The following LYPLAL1 variants were observed in gnomAD, a reference collection of about 807,000 sequenced individuals.
LYPLAL1 encodes the protein lysophospholipase-like protein 1.
Under a neutral mutation model 19.7 loss-of-function variants are expected in LYPLAL1, and 23 were observed. The ratio of observed to expected loss-of-function variants is 1.17; its 90% CI spans 0.84 to 1.65. The LOEUF (loss-of-function observed/expected upper bound fraction) is 1.65, where lower values mean the gene tolerates loss of function less well. Among genes scored for constraint, LYPLAL1 ranks in the 40% most tolerant of loss-of-function variants. The pLI is 0.00. For synonymous variants in LYPLAL1, 119 were observed against 96.3 expected (o/e 1.24, Z -1.38); for missense variants, 355 against 279.4 (o/e 1.27, Z -1.93).
the LYPLAL1 span, among the ~76,000 whole-genome samples, chr1:219,243,841 C>T: frequency 2.6e-5 from 4 of 151,094 alleles, no homozygotes; most frequent in African/African-American, 9.7e-5. Context: ...ATCGCTTGAA[C>T]CTGGGAGGCA....
chr1:219,249,843 A>G, the LYPLAL1 span, among the ~76,000 whole-genome samples: 1 of 151,920 alleles, frequency 6.6e-6, no homozygotes, highest in Non-Finnish European at 1.5e-5. Flanking sequence ...TTACTTTTCT[A>G]AAGTGTCTGC....
At chr1:219,268,957 T>A in the LYPLAL1 span, among the ~76,000 whole-genome samples, 1 of 152,226 alleles carries the variant, frequency 6.6e-6, no homozygotes, top group Non-Finnish European at 1.5e-5. Flanking sequence ...AATTGTTTAT[T>A]CTCAATCTGC....
At chr1:219,406,792 AC>A in the LYPLAL1 span, among the ~76,000 whole-genome samples, 1 of 147,590 alleles carries the variant, frequency 6.8e-6, no homozygotes, top group Non-Finnish European at 1.5e-5. Flanking sequence ...AGAAAAAAAA[AC>A]CCTGCATTTA....
the LYPLAL1 span, among the ~76,000 whole-genome samples, chr1:219,354,041 A>G: frequency 4.6e-5 from 7 of 152,236 alleles, no homozygotes; most frequent in Non-Finnish European, 7.3e-5. Flanking sequence ...ACTTGTAAAC[A>G]TGGAAGTAGA....
the LYPLAL1 span, among the ~76,000 whole-genome samples, chr1:219,255,046 G>A: frequency 2.0e-5 from 3 of 151,576 alleles, no homozygotes; most frequent in East Asian, 5.8e-4. Context: ...TCCTCAGCTC[G>A]GTTTATTCTG....
At chr1:219,263,976 A>C in the LYPLAL1 span, among the ~76,000 whole-genome samples, 1 of 152,176 alleles carries the variant, frequency 6.6e-6, no homozygotes, top group Non-Finnish European at 1.5e-5. Context: ...TCTCAGAGCA[A>C]AAGTTCATAG....
At chr1:219,177,250 C>G (rs1655891248) in intron 1 of LYPLAL1, among the ~76,000 whole-genome samples, 1 of 152,116 alleles carries the variant, frequency 6.6e-6, no homozygotes, top group African/African-American at 2.4e-5. Context: ...GTACTGGCAT[C>G]CAGGTAGTGT....
chr1:219,306,809 GAT>G, the LYPLAL1 span, among the ~76,000 whole-genome samples: 2 of 113,402 alleles, frequency 1.8e-5, no homozygotes, highest in African/African-American at 7.1e-5. Context: ...TGCATAGATA[GAT>G]ATAGATAGAT....
chr1:219,339,132 T>C, the LYPLAL1 span, among the ~76,000 whole-genome samples: 1 of 151,972 alleles, frequency 6.6e-6, no homozygotes, highest in Non-Finnish European at 1.5e-5. Context: ...GTACACTGGG[T>C]CATCCACGCT....
the LYPLAL1 span, among the ~76,000 whole-genome samples, chr1:219,443,856 C>A: frequency 0.83 from 126,621 of 152,206 alleles, 53,273 homozygotes; most frequent in African/African-American, 0.94. Context: ...GCCAGAGCCA[C>A]TTCTGGTAGC....
chr1:219,231,752 G>A, the LYPLAL1 span, among the ~76,000 whole-genome samples: 6 of 152,146 alleles, frequency 3.9e-5, no homozygotes, highest in South Asian at 2.1e-4. Context: ...CCTGTAGACC[G>A]TCTGCCATGC....
the LYPLAL1 span, among the ~76,000 whole-genome samples, chr1:219,391,015 T>C: frequency 0.57 from 86,596 of 151,982 alleles, 24,887 homozygotes; most frequent in Non-Finnish European, 0.61. Context: ...AAATAAAGTC[T>C]TGGGACAACT....
At chr1:219,287,230 A>T in the LYPLAL1 span, among the ~76,000 whole-genome samples, 18 of 152,150 alleles carry the variant, frequency 1.2e-4, no homozygotes, top group African/African-American at 4.3e-4. Flanking sequence ...TGCTGCCCAG[A>T]CTTCTTAGTC....
the LYPLAL1 span, among the ~76,000 whole-genome samples, chr1:219,400,781 T>G: frequency 6.6e-6 from 1 of 152,228 alleles, no homozygotes; most frequent in African/African-American, 2.4e-5. Flanking sequence ...ATTATAGGCA[T>G]GAGCCACTGC....
At chr1:219,336,513 A>G in the LYPLAL1 span, among the ~76,000 whole-genome samples, 7 of 152,052 alleles carry the variant, frequency 4.6e-5, 1 homozygote, top group South Asian at 1.5e-3. Context: ...AGTGATACCA[A>G]TACCAACACT....
chr1:219,431,939 C>T, the LYPLAL1 span, among the ~76,000 whole-genome samples: 5 of 152,098 alleles, frequency 3.3e-5, no homozygotes, highest in African/African-American at 9.7e-5. Flanking sequence ...CTCAGCAATA[C>T]GATTGAGGAT....
the LYPLAL1 span, among the ~76,000 whole-genome samples, chr1:219,253,122 C>T: frequency 6.6e-6 from 1 of 151,888 alleles, no homozygotes; most frequent in Non-Finnish European, 1.5e-5. Context: ...TCTGTGGGGA[C>T]AGTAGTAACG....
chr1:219,419,517 G>C, the LYPLAL1 span, among the ~76,000 whole-genome samples: 1 of 144,016 alleles, frequency 6.9e-6, no homozygotes, highest in Non-Finnish European at 1.5e-5. Context: ...TGCATGCTCT[G>C]GTTCCTCTTT....
At chr1:219,208,748 A>G (rs1301923954) in intron 3 of LYPLAL1, among the ~76,000 whole-genome samples, 1 of 152,122 alleles carries the variant, frequency 6.6e-6, no homozygotes, top group African/African-American at 2.4e-5. Context: ...TTTTATTTCA[A>G]AATGTCTTCG....
Sources: gnomAD v4.1 joint callset for allele counts (sites outside exome capture counted in the v4.1 genomes callset) on GRCh38, gnomAD v4.1.1 for gene constraint, MANE v1.5 for transcripts, NCBI Gene and HGNC (gene_info 2026-07-23, HGNC 2026-07-21) for gene names.